The following LRIT3 variants were observed in gnomAD, a reference collection of about 807,000 sequenced individuals.
The protein encoded by LRIT3 is leucine-rich repeat, immunoglobulin-like domain and transmembrane domain-containing protein 3.
LRIT3 carries 14 observed loss-of-function variants against 22.6 expected under a neutral mutation model. That is an observed-to-expected ratio of 0.62 (90% CI 0.41 to 0.97). LRIT3 has a LOEUF of 0.97. Among genes scored for constraint, LRIT3 ranks in the 50% least tolerant of loss-of-function variants. The probability of loss-of-function intolerance (pLI) is 0.00; values close to 1 mark genes in which losing one functional copy is unlikely to be tolerated. For missense variants in LRIT3, 783 were observed against 803.0 expected, an observed-to-expected ratio of 0.98 and a Z score of 0.30; for synonymous variants, 306 against 304.5, an observed-to-expected ratio of 1.01 and a Z score of -0.05.
In LRIT3 at chr4:109,870,642, CCT is replaced by C; in HGVS notation, c.1894_1895del (p.Leu632ValfsTer9). On this transcript the variant is annotated frameshift_variant, in exon 4 of 4. Coordinates refer to ENST00000594814, the MANE Select transcript of LRIT3 (RefSeq NM_198506.5). LOFTEE classifies it low-confidence loss of function (END_TRUNC). ...AGGAGACTTATATCCAATTTGAGAC[CCT>C]GTTTCCCAGGTCTCAAAGTGTAGGT... is the stretch of plus-strand genomic sequence containing the variant. Reference protein sequence around the residue: ...AKETYIQFETLFPRSQSVGEL... With the variant: ...AKETYIQFETXFPRSQSVGEL... 1 of 1,613,952 alleles carries C rather than the reference CCT, an allele frequency of 6.2e-7. No homozygotes were observed.
chr4:109,850,415 C>CTTCTTTCTTTCT (rs1560588933), intron 1 of LRIT3, among the ~76,000 whole-genome samples: 1 of 17,712 alleles, frequency 5.6e-5, no homozygotes, highest in Non-Finnish European at 1.1e-4. Flanking sequence ...TCCTTCCTTC[C>CTTCTTTCTTTCT]TTCCTTCCTT....
At chr4:109,857,177 A>G (rs936133620) in intron 2 of LRIT3, among the ~76,000 whole-genome samples, 1 of 151,790 alleles carries the variant, frequency 6.6e-6, no homozygotes, top group African/African-American at 2.4e-5. Context: ...AATAACATAT[A>G]TGGTGGTTTA....
intron 1 of LRIT3, among the ~76,000 whole-genome samples, chr4:109,849,591 T>C (rs1396095458): frequency 2.0e-5 from 3 of 152,170 alleles, no homozygotes; most frequent in African/African-American, 7.2e-5. Context: ...TCTTCTATGA[T>C]AGCATGCTGA....
Position 109,848,171 on chromosome 4 carries a change from C to T in LRIT3, c.-31C>T, listed in dbSNP as rs976525703. Reference sequence around the variant, plus strand: ...CTGAATGCTTAGGATTCGGTTTTTACCTTTTGTTTAAATAACCTCTAAAAG... The same window carrying T: ...CTGAATGCTTAGGATTCGGTTTTTATCTTTTGTTTAAATAACCTCTAAAAG... On this transcript the variant is annotated 5_prime_UTR_variant, in exon 1 of 4. Coordinates refer to ENST00000594814, the MANE Select transcript of LRIT3 (RefSeq NM_198506.5). The T allele has an allele frequency of 5.9e-6, 7 of 1,177,980 alleles. No individual in the cohort carries two copies. The African/African-American group carries it at 9.5e-5, about 16-fold the overall frequency. The allele number at this position is 1,177,980 out of a possible 1,614,324, so 73.0% of individuals were successfully genotyped here. A position where few individuals can be genotyped will look rare whatever the true frequency, so the allele number is the denominator to read the frequency against.
intron 3 of LRIT3, among the ~76,000 whole-genome samples, chr4:109,869,076 C>T (rs1370677009): frequency 6.6e-6 from 1 of 151,972 alleles, no homozygotes; most frequent in African/African-American, 2.4e-5. Flanking sequence ...GCCAGTTTAC[C>T]TAAGTTAAAT....
intron 1 of LRIT3, among the ~76,000 whole-genome samples, chr4:109,850,418 C>CCTTCCTTCCTTCTTTCTTT (rs1734202907): frequency 3.5e-5 from 1 of 28,228 alleles, no homozygotes; most frequent in Non-Finnish European, 6.5e-5. Context: ...TTCCTTCCTT[C>CCTTCCTTCCTTCTTTCTTT]CTTCCTTTCT....
chr4:109,853,048 T>G (rs1363223195), intron 2 of LRIT3, among the ~76,000 whole-genome samples: 1 of 152,228 alleles, frequency 6.6e-6, no homozygotes, highest in Non-Finnish European at 1.5e-5. Flanking sequence ...AACATACATG[T>G]GCATGTGTCT....
At chr4:109,850,594 C>T (rs139035501) in intron 1 of LRIT3, among the ~76,000 whole-genome samples, 100 of 151,168 alleles carry the variant, frequency 6.6e-4, no homozygotes, top group African/African-American at 2.2e-3. Flanking sequence ...CTCCCACCTC[C>T]GCCTCCTGAG....
chr4:109,855,702 C>T (rs1734384039), intron 2 of LRIT3, among the ~76,000 whole-genome samples: 1 of 152,194 alleles, frequency 6.6e-6, no homozygotes, highest in African/African-American at 2.4e-5. Flanking sequence ...GCTCTACACA[C>T]TGCTTTAAAT....
chr4:109,852,287 A>G (rs187220738), intron 2 of LRIT3, among the ~76,000 whole-genome samples: 107 of 152,356 alleles, frequency 7.0e-4, no homozygotes, highest in African/African-American at 2.3e-3. Context: ...AACCAACTGC[A>G]TAGACTCTTG....
chr4:109,868,014 T>A, intron 3 of LRIT3, 68 bp downstream of exon 3: 4 of 1,479,884 alleles, frequency 2.7e-6, no homozygotes, highest in Non-Finnish European at 3.6e-6. Context: ...TCATGTGTTG[T>A]GTGATTTGAA....
chr4:109,857,377 A>T (rs1051880975), intron 2 of LRIT3, among the ~76,000 whole-genome samples: 12 of 152,096 alleles, frequency 7.9e-5, no homozygotes, highest in Non-Finnish European at 1.2e-4. Flanking sequence ...TGACCTTTTG[A>T]TGATTGCCAT....
chr4:109,868,551 TAAAA>T (rs11387409), intron 3 of LRIT3, among the ~76,000 whole-genome samples: 35 of 122,262 alleles, frequency 2.9e-4, no homozygotes, highest in African/African-American at 6.4e-4. Flanking sequence ...AAGACTGTCT[TAAAA>T]AAAAAAAAAA....
chr4:109,869,678 G>T lies in LRIT3; in HGVS notation c.929G>T (p.Trp310Leu). 1 of 1,568,602 alleles carries T rather than the reference G, an allele frequency of 6.4e-7. No homozygotes were observed. Among genetic ancestry groups the T allele is most frequent in the Non-Finnish European group, 8.6e-7 (1 of 1,156,218 alleles). ...GAATCTCCAGAGGAAGGAGTCAGAT[G>T]GTCCATAATGAGCTTGACAGGCATT... Reference protein sequence around the residue: ...IQESPEEGVRWSIMSLTGISS... With the variant: ...IQESPEEGVRLSIMSLTGISS... Residue 310 changes from tryptophan to leucine, a missense_variant, in exon 4 of 4, where the codon TGG (tryptophan) becomes TTG (leucine). This residue lies in a region of LRIT3 where 756 missense variants were observed against 753.8 expected (regional missense o/e 1.00). Transcript: ENST00000594814.
rs1468207592 is a variant in LRIT3, at chr4:109,854,422, AG to A, written c.589+2447del. 2.6e-5 allele frequency among the ~76,000 whole-genome samples: 4 copies of A among 152,164 alleles called. No individual in the cohort carries two copies. The East Asian group carries it at 7.7e-4, about 29-fold the overall frequency. ...GGTGTATAGAAATGCTTGTGATTTT[AG>A]CACATTGATTTTGTATCCTGAGACT... is the stretch of plus-strand genomic sequence containing the variant. On this transcript the variant is annotated intron_variant, in intron 2 of 3. Transcript: ENST00000594814.
chr4:109,850,418 CCTTCCTT>C (rs1441846913), intron 1 of LRIT3, among the ~76,000 whole-genome samples: 102 of 28,198 alleles, frequency 3.6e-3, no homozygotes, highest in South Asian at 0.012. Flanking sequence ...TTCCTTCCTT[CCTTCCTT>C]TCTTTCTTTC....
intron 2 of LRIT3, among the ~76,000 whole-genome samples, chr4:109,857,676 A>G (rs1734436201): frequency 6.6e-6 from 1 of 152,218 alleles, no homozygotes; most frequent in African/African-American, 2.4e-5. Flanking sequence ...AAGTAATATC[A>G]TAGAGAAAAT....
chr4:109,850,414 C>CTTTCTTTCTTTCTTTCTTTCTTTCTTT lies in LRIT3; in HGVS notation c.117-1090_117-1089insTTTCTTTCTTTCTTTCTTTCTTTCTTT, dbSNP rs1560588921. On this transcript the variant is annotated intron_variant, in intron 1 of 3. Transcript: ENST00000594814. Reference sequence around the variant, plus strand: ...TCCTTCCTTCCTTCCTTCCTTCCTTCCTTCCTTCCTTTCTTTCTTTCTTTC... The same window carrying CTTTCTTTCTTTCTTTCTTTCTTTCTTT: ...TCCTTCCTTCCTTCCTTCCTTCCTTCTTTCTTTCTTTCTTTCTTTCTTTCTTTCTTCCTTCCTTTCTTTCTTTCTTTC... Among the ~76,000 whole-genome samples, 59 of 11,764 alleles carry CTTTCTTTCTTTCTTTCTTTCTTTCTTT rather than the reference C, an allele frequency of 5.0e-3. 4 individuals carry two copies. Among genetic ancestry groups the CTTTCTTTCTTTCTTTCTTTCTTTCTTT allele is most frequent in the Non-Finnish European group, 6.7e-3 (39 of 5,798 alleles). 7.7% of individuals were successfully genotyped at this position (11,764 alleles called of 152,430 possible). A position where few individuals can be genotyped will look rare whatever the true frequency, so the allele number is the denominator to read the frequency against.
At chr4:109,869,023 TA>T (rs1249060128) in intron 3 of LRIT3, among the ~76,000 whole-genome samples, 7 of 152,166 alleles carry the variant, frequency 4.6e-5, no homozygotes, top group African/African-American at 1.7e-4. Flanking sequence ...TCTGATTTTT[TA>T]AAAAACTATA....
Sources: allele counts gnomAD v4.1 joint callset (sites outside exome capture counted in the v4.1 genomes callset), GRCh38; gene constraint gnomAD v4.1.1; regional missense constraint gnomAD v4.1.1; transcripts MANE v1.5; gene names NCBI Gene and HGNC (gene_info 2026-07-23, HGNC 2026-07-21).